Variants in DNMT3B observed in about 807,000 individuals in gnomAD.
The protein encoded by DNMT3B is DNA (cytosine-5)-methyltransferase 3B.
DNMT3B carries 37 observed loss-of-function variants against 120.2 expected under a neutral mutation model. That is an observed-to-expected ratio of 0.31 (90% CI 0.24 to 0.40). DNMT3B has a LOEUF of 0.40. DNMT3B is among the 10% of genes least tolerant of loss of function. DNMT3B has a pLI of 1.00. For synonymous variants in DNMT3B, 412 were observed against 442.8 expected (o/e 0.93, Z 0.87); for missense variants, 878 against 1,137.3 (o/e 0.77, Z 3.28).
At chr20:32,763,818 C>T (rs1987127671) in intron 1 of DNMT3B, among the ~76,000 whole-genome samples, 1 of 152,152 alleles carries the variant, frequency 6.6e-6, no homozygotes, top group East Asian at 1.9e-4. Context: ...CGTGTTTCCA[C>T]CCTCCCCCGA....
intron 1 of DNMT3B, among the ~76,000 whole-genome samples, chr20:32,773,363 A>G (rs745443828): frequency 6.6e-6 from 1 of 152,184 alleles, no homozygotes; most frequent in Non-Finnish European, 1.5e-5. Flanking sequence ...ACATGTACTC[A>G]TGACCTAGAG....
Position 32,786,591 on chromosome 20 carries a change from T to C in DNMT3B, c.396T>C (p.His132=), listed in dbSNP as rs1979319394. 9 of 1,614,022 alleles carry C rather than the reference T, an allele frequency of 5.6e-6. No homozygotes were observed. The highest frequency in any genetic ancestry group is 7.6e-6 in the Non-Finnish European group (9 of 1,180,044). ...RSTRGRQGRN[H]VDESPVEFPA... ...CCCGAGGCCGGCAGGGCCGCAACCA[T>C]GTGGACGAGTCCCCCGTGGAGTTCC... The change falls in exon 5 of 23, where the codon CAT becomes CAC. Residue 132 remains histidine (H), a synonymous_variant. Coordinates refer to ENST00000328111, the MANE Select transcript of DNMT3B (RefSeq NM_006892.4).
intron 15 of DNMT3B, among the ~76,000 whole-genome samples, chr20:32,798,907 T>A (rs764617271): frequency 3.9e-4 from 59 of 152,240 alleles, no homozygotes; most frequent in Non-Finnish European, 7.6e-4. Context: ...GCCTTCTGAG[T>A]TAGCAGAGCT....
At chr20:32,774,233 G>T (rs1203055281) in intron 1 of DNMT3B, among the ~76,000 whole-genome samples, 1 of 150,108 alleles carries the variant, frequency 6.7e-6, no homozygotes, top group South Asian at 2.1e-4. Flanking sequence ...TTTTTGAGAC[G>T]GAGTCTCGCT....
intron 20 of DNMT3B, among the ~76,000 whole-genome samples, chr20:32,803,253 C>T (rs1422039601): frequency 6.6e-6 from 1 of 152,204 alleles, no homozygotes; most frequent in Non-Finnish European, 1.5e-5. Context: ...GAAGAACTTG[C>T]TAATTAAGAT....
At chr20:32,795,733 TGGCTAGGGCTCTA>T in intron 12 of DNMT3B, 39 bp downstream of exon 12, 1 of 1,612,854 alleles carries the variant, frequency 6.2e-7, no homozygotes, top group Non-Finnish European at 8.5e-7. Context: ...CCTCACACCC[TGGCTAGGGCTCTA>T]GGCCTGCCTT....
At chr20:32,788,148 C>T (rs1281604131) in intron 6 of DNMT3B, among the ~76,000 whole-genome samples, 1 of 151,970 alleles carries the variant, frequency 6.6e-6, no homozygotes, top group Admixed American at 6.6e-5. Context: ...GTGCAAGTCA[C>T]AGGGGATGCG....
chr20:32,805,358 A>G lies in DNMT3B; in HGVS notation c.2252A>G (p.Asn751Ser), dbSNP rs776039012. ...CCCAGGCCCGTGATAGCATCAAAGA[A>G]TGATAAACTCGAGCTGCAGGACTGC... ...GMNRPVIASK[N>S]DKLELQDCLE... Residue 751 changes from asparagine to serine, a missense_variant, in exon 21 of 23, where the codon AAT becomes AGT. Coordinates refer to ENST00000328111, the MANE Select transcript of DNMT3B (RefSeq NM_006892.4). 1.2e-6 allele frequency: 2 copies of G among 1,614,212 alleles called. No homozygotes were observed. Among genetic ancestry groups the G allele is most frequent in the South Asian group, 1.1e-5 (1 of 91,086 alleles).
Position 32,781,556 on chromosome 20 carries a change from G to A in DNMT3B, c.204+142G>A, listed in dbSNP as rs1460456092. On this transcript the variant is annotated intron_variant, in intron 3 of 22. Transcript: ENST00000328111. ...GCTAGATGCTTTCTGCATATATTTG[G>A]CATTATTTTTTCAATCTGGACGATC... is the stretch of plus-strand genomic sequence containing the variant. The A allele has an allele frequency of 4.5e-6, 4 of 881,580 alleles. No homozygotes were observed. In the Admixed American group the frequency reaches 8.0e-5, roughly 18 times the overall value. The allele number at this position is 881,580 out of a possible 1,614,324, so 54.6% of individuals were successfully genotyped here. A position where few individuals can be genotyped will look rare whatever the true frequency, so the allele number is the denominator to read the frequency against.
At chr20:32,768,192 AT>A (rs34062797) in intron 1 of DNMT3B, among the ~76,000 whole-genome samples, 64,467 of 128,660 alleles carry the variant, frequency 0.5, 16,803 homozygotes, top group East Asian at 0.91. Flanking sequence ...GCTAATTTTA[AT>A]TTTTTTTTTT....
chr20:32,775,258 T>C (rs1988009323), intron 1 of DNMT3B, among the ~76,000 whole-genome samples: 1 of 152,244 alleles, frequency 6.6e-6, no homozygotes, highest in Admixed American at 6.5e-5. Flanking sequence ...TTTAATTTTT[T>C]ACTGCACCCC....
intron 8 of DNMT3B, 28 bp from the exon 9 acceptor site, chr20:32,792,598 C>T (rs375596097): frequency 2.5e-6 from 4 of 1,614,034 alleles, no homozygotes; most frequent in East Asian, 2.2e-5. Context: ...CCCCACCCCC[C>T]CATTCATCAC....
intron 3 of DNMT3B, among the ~76,000 whole-genome samples, chr20:32,782,932 T>A (rs1285850882): frequency 2.0e-5 from 3 of 152,140 alleles, no homozygotes; most frequent in East Asian, 1.9e-4. Flanking sequence ...TATTTTTTTT[T>A]ATTCATTTAT....
chr20:32,764,024 G>A (rs1033028244), intron 1 of DNMT3B, among the ~76,000 whole-genome samples: 2 of 152,168 alleles, frequency 1.3e-5, no homozygotes, highest in African/African-American at 4.8e-5. Flanking sequence ...GATTTTTCCA[G>A]AGTTGAGATG....
intron 6 of DNMT3B, 70 bp downstream of exon 6, chr20:32,787,521 C>T: frequency 1.3e-6 from 2 of 1,504,512 alleles, no homozygotes; most frequent in Non-Finnish European, 1.8e-6. Flanking sequence ...CAGTTACCTG[C>T]TACTGTTGGT....
intron 21 of DNMT3B, 70 bp from the exon 22 acceptor site, chr20:32,806,139 T>C: frequency 1.4e-6 from 2 of 1,413,380 alleles, no homozygotes; most frequent in South Asian, 1.2e-5. Context: ...CTTTCCCAGG[T>C]ACTTTTGAGC....
chr20:32,775,911 T>G (rs1432670055), intron 1 of DNMT3B, among the ~76,000 whole-genome samples: 1 of 152,146 alleles, frequency 6.6e-6, no homozygotes, highest in Non-Finnish European at 1.5e-5. Flanking sequence ...AGGGGGATAA[T>G]AAGACCTGCC....
chr20:32,800,980 G>A (rs1601128532), intron 18 of DNMT3B, 55 bp downstream of exon 18: 2 of 1,600,612 alleles, frequency 1.2e-6, no homozygotes, highest in Admixed American at 1.7e-5. Flanking sequence ...CTGACCACTG[G>A]CCCAGGTGCA....
At chr20:32,798,368 G>A in intron 14 of DNMT3B, 92 bp from the exon 15 acceptor site, 1 of 1,527,260 alleles carries the variant, frequency 6.5e-7, no homozygotes, top group Non-Finnish European at 9.0e-7. Context: ...GCTTTCAGGA[G>A]GGGGTTGGCA....
Sources: gnomAD v4.1 joint callset for allele counts (sites outside exome capture counted in the v4.1 genomes callset) on GRCh38, gnomAD v4.1.1 for gene constraint, MANE v1.5 for transcripts, NCBI Gene and HGNC (gene_info 2026-07-23, HGNC 2026-07-21) for gene names.